The following MLLT3 variants were observed in gnomAD, a reference collection of about 807,000 sequenced individuals.
The protein encoded by MLLT3 is protein AF-9.
Under a neutral mutation model 53.2 loss-of-function variants are expected in MLLT3, and 4 were observed. The observed-to-expected ratio is 0.08, with a 90% CI of 0.04 to 0.17. MLLT3 has a LOEUF of 0.17. Ranked by LOEUF, MLLT3 falls within the 10% of genes least tolerant of loss-of-function variation. The probability of loss-of-function intolerance (pLI) is 1.00; values close to 1 mark genes in which losing one functional copy is unlikely to be tolerated. For synonymous variants in MLLT3, 283 were observed against 230.6 expected, an observed-to-expected ratio of 1.23 and a Z score of -2.06; for missense variants, 569 against 684.0, an observed-to-expected ratio of 0.83 and a Z score of 1.87.
At chr9:20,504,522 T>C (rs1046964195) in intron 2 of MLLT3, among the ~76,000 whole-genome samples, 3 of 152,088 alleles carry the variant, frequency 2.0e-5, no homozygotes, top group African/African-American at 7.2e-5. Context: ...CATGATTTCA[T>C]GTGTATGTGT....
intron 2 of MLLT3, among the ~76,000 whole-genome samples, chr9:20,492,952 T>C (rs1198323834): frequency 6.6e-6 from 1 of 151,968 alleles, no homozygotes; most frequent in Non-Finnish European, 1.5e-5. Flanking sequence ...CAATTGATTG[T>C]CTTACCTTTA....
chr9:20,394,353 G>A (rs1450850078), intron 5 of MLLT3, among the ~76,000 whole-genome samples: 6 of 152,150 alleles, frequency 3.9e-5, no homozygotes, highest in South Asian at 2.1e-4. Context: ...AAAAGAAGAT[G>A]AGCCGCAGCT....
At chr9:20,573,238 G>A (rs1419032296) in intron 2 of MLLT3, among the ~76,000 whole-genome samples, 1 of 147,848 alleles carries the variant, frequency 6.8e-6, no homozygotes, top group Non-Finnish European at 1.5e-5. Context: ...TGAGTGTAGT[G>A]GCGAAATTAC....
intron 2 of MLLT3, among the ~76,000 whole-genome samples, chr9:20,466,478 TG>T (rs1054318504): frequency 2.6e-5 from 4 of 152,198 alleles, no homozygotes; most frequent in South Asian, 2.1e-4. Context: ...TTACAGAGTA[TG>T]GGGTTTTTTT....
chr9:20,417,950 C>A lies in MLLT3; in HGVS notation c.421-3525G>T, dbSNP rs539192673. Among the ~76,000 whole-genome samples, 64 of 152,258 alleles carry A rather than the reference C, an allele frequency of 4.2e-4. 1 individual carries two copies. In the South Asian group the frequency reaches 0.013, roughly 31 times the overall value. ...CAACTCATAGCTGATTCTTGGCTTC[C>A]GTTTCTTCCCGCTGGCTATCCCTCT... On this transcript the variant is annotated intron_variant, in intron 4 of 10. Coordinates refer to ENST00000380338, the MANE Select transcript of MLLT3 (RefSeq NM_004529.4).
chr9:20,508,579 A>T (rs1671319266), intron 2 of MLLT3, among the ~76,000 whole-genome samples: 1 of 152,216 alleles, frequency 6.6e-6, no homozygotes, highest in South Asian at 2.1e-4. Context: ...GGCACAAGAA[A>T]TGATTTAGAT....
At chr9:20,492,653 G>A (rs1191624580) in intron 2 of MLLT3, among the ~76,000 whole-genome samples, 1 of 151,594 alleles carries the variant, frequency 6.6e-6, no homozygotes, top group Non-Finnish European at 1.5e-5. Context: ...TTATATAAGA[G>A]CACAAAATAG....
intron 2 of MLLT3, among the ~76,000 whole-genome samples, chr9:20,475,207 C>CA (rs1226093655): frequency 6.6e-6 from 1 of 152,044 alleles, no homozygotes; most frequent in Admixed American, 6.6e-5. Flanking sequence ...GTAGGAAACT[C>CA]AAATACAGCA....
chr9:20,552,060 T>TTCC (rs1451389534), intron 2 of MLLT3, among the ~76,000 whole-genome samples: 1 of 152,238 alleles, frequency 6.6e-6, no homozygotes, highest in African/African-American at 2.4e-5. Context: ...GGATTACTTA[T>TTCC]TTCTCACGGG....
At chr9:20,420,305 A>G (rs141487367) in intron 4 of MLLT3, among the ~76,000 whole-genome samples, 9 of 152,332 alleles carry the variant, frequency 5.9e-5, no homozygotes, top group African/African-American at 2.2e-4. Context: ...TCTGGAAAAT[A>G]AACTGTCAGA....
chr9:20,451,968 T>C (rs1823849431), intron 3 of MLLT3, among the ~76,000 whole-genome samples: 1 of 152,126 alleles, frequency 6.6e-6, no homozygotes, highest in Non-Finnish European at 1.5e-5. Context: ...TCAAGAGAAG[T>C]ACTGACACTC....
intron 2 of MLLT3, among the ~76,000 whole-genome samples, chr9:20,539,366 C>T (rs1818566112): frequency 6.6e-6 from 1 of 152,214 alleles, no homozygotes; most frequent in Non-Finnish European, 1.5e-5. Context: ...TCCATTTTCA[C>T]AGTGCTATAA....
intron 2 of MLLT3, among the ~76,000 whole-genome samples, chr9:20,514,751 G>C (rs752311451): frequency 2.6e-5 from 4 of 151,954 alleles, no homozygotes; most frequent in South Asian, 2.1e-4. Flanking sequence ...AAAAGGAGTC[G>C]TTTGAGGAAA....
chr9:20,463,740 T>C (rs1219484357), intron 2 of MLLT3, among the ~76,000 whole-genome samples: 2 of 152,168 alleles, frequency 1.3e-5, no homozygotes, highest in South Asian at 2.1e-4. Context: ...TAATTTTTTA[T>C]TGAAAATAAT....
At position 20,494,616 on chromosome 9, in the gene MLLT3, C is replaced by T. The variant is rs528198010; in HGVS notation, c.194-37830G>A. Among the ~76,000 whole-genome samples the T allele has an allele frequency of 3.7e-5, 4 of 106,782 alleles. No individual in the cohort carries two copies. The South Asian group carries it at 1.4e-3, about 37-fold the overall frequency. The allele number at this position is 106,782 out of a possible 152,430, so 70.1% of individuals were successfully genotyped here. ...TTAACAGCACGTGATGGCATTTTACCAGTGTTTTCAGGCTGCCACTTTAAA... is the reference window on the plus strand; with the variant it reads ...TTAACAGCACGTGATGGCATTTTACTAGTGTTTTCAGGCTGCCACTTTAAA... On this transcript the variant is annotated intron_variant, in intron 2 of 10. Coordinates refer to ENST00000380338, the MANE Select transcript of MLLT3 (RefSeq NM_004529.4).
chr9:20,496,379 T>C (rs1197625774), intron 2 of MLLT3, among the ~76,000 whole-genome samples: 1 of 152,184 alleles, frequency 6.6e-6, no homozygotes, highest in East Asian at 1.9e-4. Flanking sequence ...TATATTGTAA[T>C]CAGCCCTGTT....
Position 20,346,264 on chromosome 9 carries a change from G to C in MLLT3, c.*179C>G. ...TTTAACCTCTCCTTTATCAAGAGAT[G>C]ATGACTGGCTTTAAAGAAAAATAAA... On this transcript the variant is annotated 3_prime_UTR_variant, in exon 11 of 11. Coordinates refer to ENST00000380338, the MANE Select transcript of MLLT3 (RefSeq NM_004529.4). The C allele has an allele frequency of 1.6e-6, 1 of 635,576 alleles. No individual in the cohort carries two copies. The highest frequency in any genetic ancestry group is 2.5e-6 in the Non-Finnish European group (1 of 400,740). 39.4% of individuals were successfully genotyped at this position (635,576 alleles called of 1,614,324 possible).
At chr9:20,587,200 A>AC (rs1216694788) in intron 2 of MLLT3, among the ~76,000 whole-genome samples, 3 of 151,936 alleles carry the variant, frequency 2.0e-5, no homozygotes, top group African/African-American at 4.8e-5. Flanking sequence ...AAAAAAAAAA[A>AC]AACAACTTCC....
intron 2 of MLLT3, among the ~76,000 whole-genome samples, chr9:20,520,189 G>C (rs1190633312): frequency 1.3e-5 from 2 of 152,030 alleles, no homozygotes; most frequent in Non-Finnish European, 2.9e-5. Flanking sequence ...CACACACTGG[G>C]GCCTGTTGGA....
Sources: allele counts gnomAD v4.1 joint callset (sites outside exome capture counted in the v4.1 genomes callset), GRCh38; gene constraint gnomAD v4.1.1; transcripts MANE v1.5; gene names NCBI Gene and HGNC (gene_info 2026-07-23, HGNC 2026-07-21).